ERICH1: variants seen among roughly 807,000 people sequenced by gnomAD.
The protein encoded by ERICH1 is glutamate rich 1.
Under a neutral mutation model 39.6 loss-of-function variants are expected in ERICH1, and 56 were observed. The ratio of observed to expected loss-of-function variants is 1.41; its 90% CI spans 1.14 to 1.77. ERICH1 has a LOEUF of 1.77. Ranked by LOEUF, ERICH1 falls within the 40% of genes most tolerant of loss-of-function variation. The probability of loss-of-function intolerance (pLI) is 0.00; values close to 1 mark genes in which losing one functional copy is unlikely to be tolerated. For synonymous variants in ERICH1, 313 were observed against 223.6 expected (o/e 1.40, Z -3.57); for missense variants, 826 against 575.4 (o/e 1.44, Z -4.45).
chr8:686,566 C>T (rs1387245975), intron 3 of ERICH1: 1 of 152,270 alleles, frequency 6.6e-6, no homozygotes, highest in Non-Finnish European at 1.5e-5. Context: ...ATGCTATTCT[C>T]ATTGGCTTCA....
At chr8:635,306 G>A (rs1235299358) in intron 3 of ERICH1, among the ~76,000 whole-genome samples, 2 of 152,184 alleles carry the variant, frequency 1.3e-5, no homozygotes, top group Non-Finnish European at 2.9e-5. Context: ...AGTCTGTGAT[G>A]GAGCCCCCCA....
intron 5 of ERICH1, among the ~76,000 whole-genome samples, chr8:665,722 G>A (rs1300705610): frequency 6.6e-6 from 1 of 152,230 alleles, no homozygotes; most frequent in Non-Finnish European, 1.5e-5. Flanking sequence ...AAGCGGGAGA[G>A]CTTGGCCCTA....
chr8:663,141 C>T (rs1008193422), downstream of ERICH1, among the ~76,000 whole-genome samples: 12 of 152,374 alleles, frequency 7.9e-5, no homozygotes, highest in African/African-American at 2.6e-4. Flanking sequence ...AGAAACATCC[C>T]TGTTTCACCT....
At chr8:662,476 C>T (rs1255804333), downstream of ERICH1, among the ~76,000 whole-genome samples, 1 of 152,010 alleles carries the variant, frequency 6.6e-6, no homozygotes, top group East Asian at 1.9e-4. Context: ...TGGAGAAACC[C>T]TTTCTCTACT....
intron 3 of ERICH1, among the ~76,000 whole-genome samples, chr8:633,838 G>A (rs571377159): frequency 4.6e-5 from 7 of 152,318 alleles, no homozygotes; most frequent in East Asian, 1.9e-4. Flanking sequence ...ACATCCACAC[G>A]CAAAGGAATG....
intron 3 of ERICH1, among the ~76,000 whole-genome samples, chr8:635,783 G>A (rs1032450164): frequency 6.6e-6 from 1 of 152,208 alleles, no homozygotes; most frequent in Non-Finnish European, 1.5e-5. Flanking sequence ...GTGTGTCCGT[G>A]AGTCTGTGGT....
intron 2 of ERICH1, among the ~76,000 whole-genome samples, chr8:702,022 A>G (rs1395443670): frequency 7.0e-6 from 1 of 143,858 alleles, no homozygotes; most frequent in Non-Finnish European, 1.5e-5. Flanking sequence ...GCTTGCAGTG[A>G]GCCAAGATTG....
chr8:688,286 G>GTT (rs1808024470), intron 3 of ERICH1, among the ~76,000 whole-genome samples: 1 of 33,610 alleles, frequency 3.0e-5, no homozygotes, highest in African/African-American at 1.2e-4. Context: ...TCCCCGCCCC[G>GTT]CCCCGGCCCT....
chr8:674,384 C>T (rs1282810983), intron 3 of ERICH1, among the ~76,000 whole-genome samples: 1 of 144,788 alleles, frequency 6.9e-6, no homozygotes, highest in Non-Finnish European at 1.5e-5. Context: ...CTCACTGCAA[C>T]CTCTGCCTCC....
At chr8:650,006 C>A (rs948371839) in intron 3 of ERICH1, among the ~76,000 whole-genome samples, 2 of 152,210 alleles carry the variant, frequency 1.3e-5, no homozygotes, top group Admixed American at 6.5e-5. Flanking sequence ...CACCCCGGAC[C>A]GCGCCCGGCG....
At chr8:616,183 A>G in intron 3 of ERICH1, 1 of 215,894 alleles carries the variant, frequency 4.6e-6, no homozygotes, top group Non-Finnish European at 9.4e-6. Flanking sequence ...GGTACACCTT[A>G]AAGAAATTCC....
At chr8:644,028 C>T (rs932205490) in intron 3 of ERICH1, among the ~76,000 whole-genome samples, 4 of 152,194 alleles carry the variant, frequency 2.6e-5, no homozygotes, top group Middle Eastern at 3.2e-3. Flanking sequence ...TTGGTGGGGG[C>T]GCACACTGGG....
At chr8:618,369 C>G (rs77332030) in intron 3 of ERICH1, among the ~76,000 whole-genome samples, 2,047 of 152,240 alleles carry the variant, frequency 0.013, 28 homozygotes, top group Non-Finnish European at 0.022. Context: ...TTGGTCTGTC[C>G]TCACTGCCCT....
At chr8:704,512 T>C (rs745791859) in intron 2 of ERICH1, among the ~76,000 whole-genome samples, 4 of 152,208 alleles carry the variant, frequency 2.6e-5, no homozygotes, top group Non-Finnish European at 5.9e-5. Context: ...ACTAAAGCTC[T>C]GCTCACTCCA....
At chr8:730,332 A>G (rs1451321824) in intron 1 of ERICH1, among the ~76,000 whole-genome samples, 1 of 152,226 alleles carries the variant, frequency 6.6e-6, no homozygotes, top group African/African-American at 2.4e-5. Flanking sequence ...CAATTGTTTT[A>G]TAACTATAGT....
chr8:696,704 A>C (rs1248599951), intron 2 of ERICH1, among the ~76,000 whole-genome samples: 3 of 18,558 alleles, frequency 1.6e-4, no homozygotes, highest in African/African-American at 3.6e-4. Context: ...CTCCTTCTCC[A>C]CTCCTCTCCT....
At chr8:640,391 C>G (rs747192192) in intron 3 of ERICH1, among the ~76,000 whole-genome samples, 44 of 152,286 alleles carry the variant, frequency 2.9e-4, no homozygotes, top group Admixed American at 1.4e-3. Flanking sequence ...GAAAAATTGC[C>G]AAAGTCAAGG....
At chr8:712,006 C>T (rs767510252) in intron 2 of ERICH1, among the ~76,000 whole-genome samples, 8 of 152,166 alleles carry the variant, frequency 5.3e-5, no homozygotes, top group Non-Finnish European at 1.0e-4. Context: ...ATCTATGTGT[C>T]TACTCTTTTG....
At chr8:625,783 G>C (rs1797568950) in intron 3 of ERICH1, 2 of 152,286 alleles carry the variant, frequency 1.3e-5, no homozygotes, top group East Asian at 3.9e-4. Flanking sequence ...TCGTTGACTT[G>C]TGTCCCGCCT....
Sources: allele counts gnomAD v4.1 joint callset (sites outside exome capture counted in the v4.1 genomes callset), GRCh38; gene constraint gnomAD v4.1.1; transcripts MANE v1.5; gene names NCBI Gene and HGNC (gene_info 2026-07-23, HGNC 2026-07-21).